PUS7: variants seen among roughly 807,000 people sequenced by gnomAD.
The protein encoded by PUS7 is pseudouridine synthase 7.
A neutral mutation model predicts 79.8 loss-of-function variants in PUS7; 48 were observed. The observed-to-expected ratio is 0.60, with a 90% confidence interval of 0.48 to 0.76. The LOEUF (loss-of-function observed/expected upper bound fraction) is 0.76. Ranked by LOEUF, PUS7 falls within the 30% of genes least tolerant of loss-of-function variation. PUS7 has a pLI of 0.00. For missense variants in PUS7, 729 were observed against 797.6 expected, an observed-to-expected ratio of 0.91 and a Z score of 1.04; for synonymous variants, 286 against 272.2, an observed-to-expected ratio of 1.05 and a Z score of -0.50.
At chr7:105,498,470 TGAG>T (rs1224339428) in intron 5 of PUS7, among the ~76,000 whole-genome samples, 5 of 152,224 alleles carry the variant, frequency 3.3e-5, no homozygotes, top group Non-Finnish European at 7.3e-5. Flanking sequence ...ATCCAGCTTC[TGAG>T]GGCCTAACAA....
chr7:105,472,114 C>T lies in PUS7; in HGVS notation c.1237+18G>A. On this transcript the variant is annotated intron_variant, in intron 10 of 15. Transcript: ENST00000469408. ...CCATACATTCTATTTATTTTCTTAACATGAATTTTATTCTCACCTCCAGAG... is the reference window on the plus strand; with the variant it reads ...CCATACATTCTATTTATTTTCTTAATATGAATTTTATTCTCACCTCCAGAG... 1 of 1,557,260 alleles carries T rather than the reference C, an allele frequency of 6.4e-7. No homozygotes were observed. The highest frequency in any genetic ancestry group is 8.8e-7 in the Non-Finnish European group (1 of 1,134,874).
intron 4 of PUS7, among the ~76,000 whole-genome samples, chr7:105,503,455 C>T (rs906941781): frequency 6.6e-6 from 1 of 152,150 alleles, no homozygotes; most frequent in African/African-American, 2.4e-5. Context: ...TATAAACTCA[C>T]TAGTTACATG....
At chr7:105,507,534 G>A (rs1402936405) in intron 2 of PUS7, among the ~76,000 whole-genome samples, 1 of 151,420 alleles carries the variant, frequency 6.6e-6, no homozygotes, top group Non-Finnish European at 1.5e-5. Flanking sequence ...CCATTTAAAT[G>A]AATTTATTCA....
Position 105,482,372 on chromosome 7 carries a change from T to C in PUS7, c.989A>G (p.Tyr330Cys), listed in dbSNP as rs528905477. 1 of 1,611,794 alleles carries C rather than the reference T, an allele frequency of 6.2e-7. No individual in the cohort carries two copies. The highest frequency in any genetic ancestry group is 2.2e-5 in the East Asian group (1 of 44,842). Residue 330 changes from tyrosine to cysteine, a missense_variant, in exon 8 of 16, where the codon TAT (tyrosine) becomes TGT (cysteine). By Grantham distance (194) the Tyr-to-Cys change is radical. Transcript: ENST00000469408. ...LMNFKLGNFS[Y>C]QKNPLKLGEL... Reference sequence around the variant, plus strand: ...TCCCAATTTCAGTGGGTTTTTTTGATAGCTGAAATTCCCTAGCTTAAAGTT... The same window carrying C: ...TCCCAATTTCAGTGGGTTTTTTTGACAGCTGAAATTCCCTAGCTTAAAGTT...
In PUS7 at chr7:105,508,441, T is replaced by C; in HGVS notation, c.72A>G (p.Gly24=). ...GALVVEDNDS[G]VPVEETKKQK... is the part of the protein sequence containing the mutation. ...GTTTTTTTGTCTCTTCAACTGGGAC[T>C]CCACTGTCATTATCTTCGACAACCA... Residue 24 remains glycine, a synonymous_variant, in exon 2 of 16, where the codon GGA becomes GGG. Transcript: ENST00000469408. 1 of 1,614,146 alleles carries C rather than the reference T, an allele frequency of 6.2e-7. No individual in the cohort carries two copies. Among genetic ancestry groups the C allele is most frequent in the Non-Finnish European group, 8.5e-7 (1 of 1,180,030 alleles).
chr7:105,477,533 G>A (rs1586117372), intron 9 of PUS7, among the ~76,000 whole-genome samples: 1 of 152,082 alleles, frequency 6.6e-6, no homozygotes, highest in South Asian at 2.1e-4. Context: ...GATTACGGGC[G>A]TGAGCCACTG....
At chr7:105,520,698 G>A (rs1172264597) in intron 1 of PUS7, among the ~76,000 whole-genome samples, 1 of 152,098 alleles carries the variant, frequency 6.6e-6, no homozygotes, top group African/African-American at 2.4e-5. Context: ...CTCCAGCCTG[G>A]GTGATGGAGT....
intron 9 of PUS7, among the ~76,000 whole-genome samples, chr7:105,480,598 G>A (rs1317811376): frequency 6.6e-6 from 1 of 152,110 alleles, no homozygotes; most frequent in African/African-American, 2.4e-5. Context: ...CCAACATGGA[G>A]AAACCCCATC....
intron 12 of PUS7, among the ~76,000 whole-genome samples, chr7:105,467,196 T>G (rs1823685234): frequency 6.6e-6 from 1 of 151,882 alleles, no homozygotes; most frequent in Admixed American, 6.6e-5. Context: ...GCACACACAA[T>G]GGGCTCCATG....
intron 7 of PUS7, among the ~76,000 whole-genome samples, chr7:105,482,847 CAG>C (rs1824381809): frequency 6.6e-6 from 1 of 151,848 alleles, no homozygotes; most frequent in Non-Finnish European, 1.5e-5. Flanking sequence ...TTTTGTCAAT[CAG>C]AAAAATTTTG....
rs766392729 is a variant in PUS7 at position 105,465,337 on chromosome 7, C to T, written c.1603G>A (p.Asp535Asn). The part of the protein sequence containing the change: ...HDVVMPLPGF[D>N]VIYPKHKIQE... ...CTTTTATGCTTTGGGTAGATAACAT[C>T]GAAACCAGGCAAGGGCATTACCACA... The change falls in exon 13 of 16, where the codon GAT becomes AAT. Residue 535 changes from aspartate (D) to asparagine (N), a missense_variant. Coordinates refer to ENST00000469408, the MANE Select transcript of PUS7 (RefSeq NM_019042.5). 8.1e-6 allele frequency: 13 copies of T among 1,612,342 alleles called. No individual in the cohort carries two copies. Among genetic ancestry groups the T allele is most frequent in the Middle Eastern group, 1.6e-4 (1 of 6,084 alleles).
At position 105,472,040 on chromosome 7, in the gene PUS7, G is replaced by A. The variant is rs144387190; in HGVS notation, c.1237+92C>T. The A allele has an allele frequency of 5.1e-4, 376 of 741,482 alleles. 3 individuals are homozygous for A. The East Asian group carries it at 9.4e-3, about 19-fold the overall frequency. The allele number at this position is 741,482 out of a possible 1,614,324, so 45.9% of individuals were successfully genotyped here. A position where few individuals can be genotyped will look rare whatever the true frequency, so the allele number is the denominator to read the frequency against. ...ACAAATAAAATACTGAAACAACAACGTCAATTTGCACAAAAGCTTTTATTC... is the reference window on the plus strand; with the variant it reads ...ACAAATAAAATACTGAAACAACAACATCAATTTGCACAAAAGCTTTTATTC... On this transcript the variant is annotated intron_variant, in intron 10 of 15. Transcript: ENST00000469408.
intron 7 of PUS7, among the ~76,000 whole-genome samples, chr7:105,484,608 C>G (rs1256978414): frequency 6.6e-6 from 1 of 151,216 alleles, no homozygotes; most frequent in Non-Finnish European, 1.5e-5. Context: ...TACCTGAGGT[C>G]AGGAATTCGA....
At position 105,462,577 on chromosome 7, in the gene PUS7, T is replaced by C. The variant is rs78924906; in HGVS notation, c.1757+44A>G. On this transcript the variant is annotated intron_variant, in intron 14 of 15. Transcript: ENST00000469408. The stretch of plus-strand genomic sequence containing the variant: ...ATAAAGTGAAGCAAAAGCTTACAAC[T>C]TATATGGTAATTCAGTTCTATCTCA... 7,277 of 1,606,632 alleles carry C rather than the reference T, an allele frequency of 4.5e-3. 39 individuals carry two copies. The highest frequency in any genetic ancestry group is 0.02 in the African/African-American group (1,501 of 74,808).
At chr7:105,499,401 A>G (rs1253080607) in intron 5 of PUS7, among the ~76,000 whole-genome samples, 1 of 152,214 alleles carries the variant, frequency 6.6e-6, no homozygotes, top group Non-Finnish European at 1.5e-5. Flanking sequence ...TTCATTTCAG[A>G]AAGTATAGAG....
At chr7:105,496,218 T>G (rs373470755) in intron 5 of PUS7, among the ~76,000 whole-genome samples, 26,143 of 80,216 alleles carry the variant, frequency 0.33, 3,736 homozygotes, top group Non-Finnish European at 0.39. Flanking sequence ...TATATATATA[T>G]ATATATATAG....
At chr7:105,519,122 C>T (rs1004946574) in intron 1 of PUS7, among the ~76,000 whole-genome samples, 1 of 152,150 alleles carries the variant, frequency 6.6e-6, no homozygotes, top group Non-Finnish European at 1.5e-5. Flanking sequence ...AAACTATCCA[C>T]AACTTTCACT....
chr7:105,516,674 G>A (rs753808476), intron 1 of PUS7, among the ~76,000 whole-genome samples: 3 of 151,736 alleles, frequency 2.0e-5, no homozygotes, highest in Admixed American at 6.6e-5. Flanking sequence ...GGCTGGTCTC[G>A]AACTCCTGAT....
Position 105,513,342 on chromosome 7 carries a change from C to T in PUS7, c.-32-4798G>A, listed in dbSNP as rs76686152. ...GTCAGCAAAATATTCACCTCCTCTC[C>T]TTATGCAGAAAAAACATCAGGCCTC... is the stretch of plus-strand genomic sequence containing the variant. On this transcript the variant is annotated intron_variant, in intron 1 of 15. Transcript: ENST00000469408. 9.3e-3 allele frequency among the ~76,000 whole-genome samples: 1,412 copies of T among 152,278 alleles called. 15 individuals are homozygous for T. Among genetic ancestry groups the T allele is most frequent in the African/African-American group, 0.033 (1,363 of 41,556 alleles).
Sources: gnomAD v4.1 joint callset for allele counts (sites outside exome capture counted in the v4.1 genomes callset) on GRCh38, gnomAD v4.1.1 for gene constraint, MANE v1.5 for transcripts, NCBI Gene and HGNC (gene_info 2026-07-23, HGNC 2026-07-21) for gene names.